Variants in DNAI4 observed in about 807,000 individuals in gnomAD.
DNAI4 encodes the protein WD repeat domain 78.
A neutral mutation model predicts 105.8 loss-of-function variants in DNAI4; 85 were observed. The ratio of observed to expected loss-of-function variants is 0.80; its 90% CI spans 0.67 to 0.96. The LOEUF (loss-of-function observed/expected upper bound fraction) is 0.96. Ranked by LOEUF, DNAI4 falls within the 40% of genes least tolerant of loss-of-function variation. The probability of loss-of-function intolerance (pLI) is 0.00; values close to 1 mark genes in which losing one functional copy is unlikely to be tolerated. For synonymous variants in DNAI4, 352 were observed against 331.5 expected, an observed-to-expected ratio of 1.06 and a Z score of -0.67; for missense variants, 1,014 against 1,005.6, an observed-to-expected ratio of 1.01 and a Z score of -0.11.
chr1:66,893,654 T>C (rs1431336307), intron 2 of DNAI4, among the ~76,000 whole-genome samples: 2 of 152,208 alleles, frequency 1.3e-5, no homozygotes, highest in East Asian at 3.8e-4. Context: ...ATATTAACTT[T>C]AGGAAAATCA....
chr1:66,884,750 GT>G (rs1647157084), intron 4 of DNAI4, among the ~76,000 whole-genome samples: 1 of 152,262 alleles, frequency 6.6e-6, no homozygotes, highest in Middle Eastern at 3.4e-3. Context: ...GTTTGGAAAT[GT>G]TCCCCCTTCA....
intron 10 of DNAI4, among the ~76,000 whole-genome samples, chr1:66,836,213 AG>A (rs879307111): frequency 0.014 from 1,355 of 93,812 alleles, 59 homozygotes; most frequent in South Asian, 0.022. Flanking sequence ...AGAAAGAGAG[AG>A]AGAGAGAGAG....
intron 16 of DNAI4, among the ~76,000 whole-genome samples, chr1:66,821,778 T>C (rs1645632176): frequency 6.6e-6 from 1 of 152,142 alleles, no homozygotes; most frequent in Non-Finnish European, 1.5e-5. Context: ...ATTTACCAGA[T>C]TATTGTTTAT....
chr1:66,893,113 G>GAAAGAAAGAAAGAAAGAAAGAAAGAA lies in DNAI4; in HGVS notation c.530+115_530+116insTTCTTTCTTTCTTTCTTTCTTTCTTT, dbSNP rs1389021990. Reference sequence around the variant, plus strand: ...AGAAAGAAAGAAAGAAAGAAAGAAAGAAAGAAAGAAACTGGGAGACTGGAG... The same window carrying GAAAGAAAGAAAGAAAGAAAGAAAGAA: ...AGAAAGAAAGAAAGAAAGAAAGAAAGAAAGAAAGAAAGAAAGAAAGAAAGAAAAAGAAAGAAACTGGGAGACTGGAG... On this transcript the variant is annotated intron_variant, in intron 3 of 16. Transcript: ENST00000371026. 3 of 504,458 alleles carry GAAAGAAAGAAAGAAAGAAAGAAAGAA rather than the reference G, an allele frequency of 5.9e-6. No homozygotes were observed. The African/African-American group carries it at 6.0e-5, about 10-fold the overall frequency. 31.2% of individuals were successfully genotyped at this position (504,458 alleles called of 1,614,324 possible).
intron 1 of DNAI4, among the ~76,000 whole-genome samples, chr1:66,911,372 G>T (rs1367297059): frequency 6.6e-6 from 1 of 152,140 alleles, no homozygotes; most frequent in African/African-American, 2.4e-5. Context: ...AGTCCTTTTG[G>T]TTTTTATGGA....
At chr1:66,854,747 T>C (rs1278613179) in intron 7 of DNAI4, among the ~76,000 whole-genome samples, 1 of 152,130 alleles carries the variant, frequency 6.6e-6, no homozygotes, top group Admixed American at 6.5e-5. Context: ...GAGATTGCAT[T>C]GAGCCAAGAT....
In DNAI4 at chr1:66,862,251, A is replaced by G; in HGVS notation, c.992T>C (p.Leu331Pro). Residue 331 changes from leucine to proline, a missense_variant, in exon 7 of 17, where the codon CTT (leucine) becomes CCT (proline). Physicochemically the swap from Leu to Pro is moderately conservative, Grantham distance 98. Transcript: ENST00000371026. Reference protein sequence around the residue: ...DLYDSYNAMELVSLSVKQSVV... With the variant: ...DLYDSYNAMEPVSLSVKQSVV... ...AGATTGTTTTACTGATAAAGATACA[A>G]GTTCCATAGCATTGTAAGAATCATA... The G allele has an allele frequency of 1.2e-6, 2 of 1,611,184 alleles. No individual in the cohort carries two copies. The highest frequency in any genetic ancestry group is 2.2e-5 in the South Asian group (2 of 90,168).
At chr1:66,814,891 A>G (rs1433136472) in intron 16 of DNAI4, among the ~76,000 whole-genome samples, 1 of 152,266 alleles carries the variant, frequency 6.6e-6, no homozygotes, top group African/African-American at 2.4e-5. Flanking sequence ...TTTTCATTTA[A>G]TGGTACTGAT....
At chr1:66,885,776 G>A (rs1039155847) in intron 4 of DNAI4, among the ~76,000 whole-genome samples, 7 of 152,098 alleles carry the variant, frequency 4.6e-5, no homozygotes, top group Middle Eastern at 3.2e-3. Context: ...TCTGGCTTCC[G>A]TCAAGATGTT....
intron 2 of DNAI4, among the ~76,000 whole-genome samples, chr1:66,897,488 A>T (rs1394759352): frequency 6.6e-6 from 1 of 152,232 alleles, no homozygotes; most frequent in Non-Finnish European, 1.5e-5. Flanking sequence ...GGGATCATAA[A>T]GACAGTGGAA....
chr1:66,898,936 G>T (rs1648569025), intron 2 of DNAI4, among the ~76,000 whole-genome samples: 1 of 152,084 alleles, frequency 6.6e-6, no homozygotes, highest in Non-Finnish European at 1.5e-5. Flanking sequence ...ATGCATCAGT[G>T]CTTCATTCCT....
rs528048284 is a variant in DNAI4 at position 66,905,740 on chromosome 1, A to G, written c.171-365T>C. Among the ~76,000 whole-genome samples, 8 of 152,262 alleles carry G rather than the reference A, an allele frequency of 5.3e-5. No individual in the cohort carries two copies. The East Asian group carries it at 1.5e-3, about 29-fold the overall frequency. On this transcript the variant is annotated intron_variant, in intron 1 of 16. Transcript: ENST00000371026. ...TTGTCTGCAAAATGAGGATAATAACAGTACTTAACTCATCGGTTATTATGA... is the reference window on the plus strand; with the variant it reads ...TTGTCTGCAAAATGAGGATAATAACGGTACTTAACTCATCGGTTATTATGA...
At chr1:66,867,867 C>G (rs1646765329) in intron 6 of DNAI4, among the ~76,000 whole-genome samples, 1 of 152,146 alleles carries the variant, frequency 6.6e-6, no homozygotes, top group Admixed American at 6.5e-5. Flanking sequence ...ATAAGTGACA[C>G]TATGTTCTGG....
chr1:66,822,958 G>A (rs1420328946), intron 15 of DNAI4, among the ~76,000 whole-genome samples: 1 of 151,942 alleles, frequency 6.6e-6, no homozygotes, highest in African/African-American at 2.4e-5. Context: ...TGCACAATGT[G>A]CAGGTTTGTT....
chr1:66,866,560 C>T (rs922333684), intron 6 of DNAI4, among the ~76,000 whole-genome samples: 1 of 152,116 alleles, frequency 6.6e-6, no homozygotes, highest in African/African-American at 2.4e-5. Context: ...TCACCTCACT[C>T]CTATGTCAGA....
At chr1:66,851,560 A>G (rs1262029463) in intron 7 of DNAI4, among the ~76,000 whole-genome samples, 1 of 151,978 alleles carries the variant, frequency 6.6e-6, no homozygotes. Flanking sequence ...ATAGTGTGTT[A>G]AAAGAAGAGA....
intron 4 of DNAI4, among the ~76,000 whole-genome samples, chr1:66,883,779 T>C (rs1647133063): frequency 1.3e-5 from 2 of 152,200 alleles, no homozygotes; most frequent in Non-Finnish European, 2.9e-5. Flanking sequence ...ATGAATACAA[T>C]GTAGAATAAT....
chr1:66,891,465 C>A (rs1041717066), intron 3 of DNAI4, among the ~76,000 whole-genome samples, 199 bp from the exon 4 acceptor site: 4 of 151,908 alleles, frequency 2.6e-5, no homozygotes, highest in Non-Finnish European at 5.9e-5. Context: ...TTATTTGTAT[C>A]TTTATTTATT....
At chr1:66,824,384 G>A (rs1645703769) in intron 15 of DNAI4, among the ~76,000 whole-genome samples, 1 of 151,940 alleles carries the variant, frequency 6.6e-6, no homozygotes, top group African/African-American at 2.4e-5. Context: ...GATTGACTTG[G>A]CGATGCGGGC....
Sources: allele counts gnomAD v4.1 joint callset (sites outside exome capture counted in the v4.1 genomes callset), GRCh38; gene constraint gnomAD v4.1.1; transcripts MANE v1.5; gene names NCBI Gene and HGNC (gene_info 2026-07-23, HGNC 2026-07-21).